ERICH1: variants seen among roughly 807,000 people sequenced by gnomAD.
The protein encoded by ERICH1 is glutamate-rich protein 1.
A neutral mutation model predicts 39.6 loss-of-function variants in ERICH1; 56 were observed. The ratio of observed to expected loss-of-function variants is 1.41; its 90% CI spans 1.14 to 1.77. ERICH1 has a LOEUF of 1.77. Ranked by LOEUF, ERICH1 falls within the 40% of genes most tolerant of loss-of-function variation. The pLI is 0.00. For synonymous variants in ERICH1, 313 were observed against 223.6 expected, an observed-to-expected ratio of 1.40 and a Z score of -3.57; for missense variants, 826 against 575.4, an observed-to-expected ratio of 1.44 and a Z score of -4.45.
chr8:719,415 T>C (rs1295428442), intron 1 of ERICH1, among the ~76,000 whole-genome samples: 1 of 152,252 alleles, frequency 6.6e-6, no homozygotes, highest in Non-Finnish European at 1.5e-5. Context: ...GGTCATTCAC[T>C]TCTGCAGAAC....
At chr8:698,144 C>T (rs576977422) in intron 2 of ERICH1, among the ~76,000 whole-genome samples, 1 of 152,276 alleles carries the variant, frequency 6.6e-6, no homozygotes, top group African/African-American at 2.4e-5. Flanking sequence ...AACATACAGC[C>T]AAAGACAGAA....
chr8:705,861 G>A (rs1376845860), intron 2 of ERICH1, among the ~76,000 whole-genome samples: 1 of 152,192 alleles, frequency 6.6e-6, no homozygotes, highest in South Asian at 2.1e-4. Flanking sequence ...GGGGACGGTG[G>A]AGCCTTAAGA....
At chr8:690,688 G>C (rs975083573) in intron 3 of ERICH1, among the ~76,000 whole-genome samples, 2 of 152,286 alleles carry the variant, frequency 1.3e-5, no homozygotes, top group African/African-American at 4.8e-5. Flanking sequence ...CCGGCGCAGA[G>C]CAGGGCTGCG....
chr8:676,832 CG>C (rs1229061488), intron 3 of ERICH1, among the ~76,000 whole-genome samples: 1 of 152,232 alleles, frequency 6.6e-6, no homozygotes, highest in African/African-American at 2.4e-5. Context: ...TTTTAGGAAG[CG>C]CCTGTTGGAG....
intron 3 of ERICH1, among the ~76,000 whole-genome samples, chr8:642,871 G>A (rs1002380423): frequency 1.3e-5 from 2 of 152,148 alleles, no homozygotes; most frequent in African/African-American, 2.4e-5. Context: ...GGCACCTGTG[G>A]CAGGCAGTTC....
At chr8:636,384 G>A (rs1019800982) in intron 3 of ERICH1, among the ~76,000 whole-genome samples, 1 of 152,220 alleles carries the variant, frequency 6.6e-6, no homozygotes, top group Non-Finnish European at 1.5e-5. Flanking sequence ...TGTCCTTCTG[G>A]TCACGGGATG....
intron 2 of ERICH1, among the ~76,000 whole-genome samples, chr8:704,804 C>T (rs758670716): frequency 1.6e-4 from 24 of 152,190 alleles, no homozygotes; most frequent in Non-Finnish European, 3.1e-4. Context: ...AGTGTAAGTG[C>T]GTGACTCTGA....
chr8:644,243 C>T (rs971840698), intron 3 of ERICH1, among the ~76,000 whole-genome samples: 2 of 152,236 alleles, frequency 1.3e-5, no homozygotes, highest in East Asian at 3.8e-4. Context: ...GAGTGCCTGG[C>T]CTCCTGCTCT....
At chr8:721,113 C>T (rs1310129055) in intron 1 of ERICH1, among the ~76,000 whole-genome samples, 1 of 152,082 alleles carries the variant, frequency 6.6e-6, no homozygotes, top group Non-Finnish European at 1.5e-5. Context: ...CATTATAAAG[C>T]GGGAGATTTT....
intron 3 of ERICH1, among the ~76,000 whole-genome samples, chr8:623,496 T>C (rs1356151069): frequency 6.6e-6 from 1 of 152,196 alleles, no homozygotes; most frequent in East Asian, 1.9e-4. Flanking sequence ...AATTTTTGTT[T>C]TTTCCAGGTT....
At chr8:665,781 C>G (rs1249569323) in intron 5 of ERICH1, among the ~76,000 whole-genome samples, 2 of 152,208 alleles carry the variant, frequency 1.3e-5, no homozygotes, top group Non-Finnish European at 2.9e-5. Flanking sequence ...GGAAAAGTAA[C>G]TGCTGAGCCA....
intron 3 of ERICH1, among the ~76,000 whole-genome samples, chr8:658,279 A>G (rs1703925): frequency 0.92 from 139,876 of 152,208 alleles, 64,413 homozygotes; most frequent in African/African-American, 0.96. Flanking sequence ...CTGGGGAGAG[A>G]GGCTGGTTCC....
At chr8:630,766 G>C (rs1282887672) in intron 3 of ERICH1, among the ~76,000 whole-genome samples, 32 of 88,674 alleles carry the variant, frequency 3.6e-4, no homozygotes, top group East Asian at 6.4e-4. Context: ...CCTCCCGTGA[G>C]CACCCACACG....
chr8:668,506 C>A, intron 5 of ERICH1, 92 bp downstream of exon 5: 1 of 1,354,112 alleles, frequency 7.4e-7, no homozygotes, highest in South Asian at 1.2e-5. Flanking sequence ...TTTTCCAACT[C>A]ATTGCTGTTT....
chr8:626,747 C>A (rs1797614163), intron 3 of ERICH1: 1 of 195,930 alleles, frequency 5.1e-6, no homozygotes, highest in Non-Finnish European at 1.1e-5. Flanking sequence ...CATCCTGAGC[C>A]CCTGGACTCC....
chr8:670,365 T>C (rs887566562), intron 4 of ERICH1, among the ~76,000 whole-genome samples: 3 of 152,214 alleles, frequency 2.0e-5, no homozygotes, highest in Non-Finnish European at 2.9e-5. Flanking sequence ...GCTGTGGTCC[T>C]GTCTCGTGGC....
chr8:729,345 G>A (rs148677345), intron 1 of ERICH1, among the ~76,000 whole-genome samples: 118 of 152,278 alleles, frequency 7.7e-4, no homozygotes, highest in Middle Eastern at 3.4e-3. Context: ...TGGACCTTGG[G>A]AAAACAGACA....
At chr8:729,803 A>T (rs1480548847) in intron 1 of ERICH1, among the ~76,000 whole-genome samples, 1 of 142,506 alleles carries the variant, frequency 7.0e-6, no homozygotes, top group African/African-American at 2.6e-5. Context: ...TAATTTGGTG[A>T]ATGGAGAAAG....
chr8:686,179 T>A (rs1314408138), intron 3 of ERICH1, among the ~76,000 whole-genome samples: 2 of 152,078 alleles, frequency 1.3e-5, no homozygotes, highest in East Asian at 1.9e-4. Context: ...CATCATCATC[T>A]TCTACCTTTT....
Sources: gnomAD v4.1 joint callset for allele counts (sites outside exome capture counted in the v4.1 genomes callset) on GRCh38, gnomAD v4.1.1 for gene constraint, MANE v1.5 for transcripts, NCBI Gene and HGNC (gene_info 2026-07-23, HGNC 2026-07-21) for gene names.